THRB: variants seen among roughly 807,000 people sequenced by gnomAD.
THRB encodes the protein thyroid hormone receptor beta.
Under a neutral mutation model 47.8 loss-of-function variants are expected in THRB, and 12 were observed. The ratio of observed to expected loss-of-function variants is 0.25; its 90% CI spans 0.16 to 0.41. THRB has a LOEUF of 0.41. Ranked by LOEUF, THRB falls within the 10% of genes least tolerant of loss-of-function variation. The pLI is 1.00. For synonymous variants in THRB, 218 were observed against 212.2 expected, an observed-to-expected ratio of 1.03 and a Z score of -0.24; for missense variants, 348 against 589.2, an observed-to-expected ratio of 0.59 and a Z score of 4.24.
intron 4 of THRB, among the ~76,000 whole-genome samples, chr3:24,212,195 G>C (rs776615145): frequency 6.6e-6 from 1 of 152,014 alleles, no homozygotes; most frequent in Non-Finnish European, 1.5e-5. Flanking sequence ...TCAGGAGTTC[G>C]AGACCAGCCT....
At chr3:24,335,939 G>T (rs540800340) in intron 2 of THRB, among the ~76,000 whole-genome samples, 44 of 152,302 alleles carry the variant, frequency 2.9e-4, no homozygotes, top group Admixed American at 2.5e-3. Context: ...ATGAAGAAGA[G>T]GCTGGGGACT....
intron 3 of THRB, 62 bp from the exon 4 acceptor site, chr3:24,229,063 G>T: frequency 9.7e-7 from 1 of 1,035,020 alleles, no homozygotes; most frequent in Non-Finnish European, 1.5e-6. Context: ...TAATGGTTTT[G>T]TTCCAAACAA....
At chr3:24,155,215 T>G (rs1241485168) in intron 5 of THRB, among the ~76,000 whole-genome samples, 1 of 152,238 alleles carries the variant, frequency 6.6e-6, no homozygotes, top group Non-Finnish European at 1.5e-5. Context: ...ATTTACTGAC[T>G]GCTAGGCTGA....
chr3:24,448,680 A>G (rs1464662023), intron 1 of THRB, among the ~76,000 whole-genome samples: 1 of 152,240 alleles, frequency 6.6e-6, no homozygotes, highest in Non-Finnish European at 1.5e-5. Flanking sequence ...ATATAAAAAT[A>G]TAAAACTTGG....
intron 3 of THRB, among the ~76,000 whole-genome samples, chr3:24,261,513 AAAAAACC>A (rs2052016463): frequency 6.7e-6 from 1 of 150,132 alleles, no homozygotes; most frequent in African/African-American, 2.5e-5. Flanking sequence ...AAAAAAAAAA[AAAAAACC>A]AAAAAAAACT....
chr3:24,341,204 G>T (rs1209718127), intron 1 of THRB, among the ~76,000 whole-genome samples: 29 of 30,824 alleles, frequency 9.4e-4, no homozygotes, highest in Admixed American at 2.6e-3. Context: ...TTTCCTTTCT[G>T]TGGTAAAACA....
At chr3:24,450,085 ACAC>A (rs2072495958) in intron 1 of THRB, among the ~76,000 whole-genome samples, 2 of 152,108 alleles carry the variant, frequency 1.3e-5, no homozygotes, top group African/African-American at 4.8e-5. Context: ...AGGAAACTAG[ACAC>A]TCTTAAAGAA....
intron 3 of THRB, among the ~76,000 whole-genome samples, chr3:24,283,764 A>G (rs2150874551): frequency 6.6e-6 from 1 of 152,206 alleles, no homozygotes; most frequent in Admixed American, 6.5e-5. Context: ...ATGTACAAAA[A>G]TCACAAGCAT....
chr3:24,426,774 G>T (rs2069809988), intron 1 of THRB, among the ~76,000 whole-genome samples: 1 of 151,870 alleles, frequency 6.6e-6, no homozygotes, highest in Non-Finnish European at 1.5e-5. Flanking sequence ...ATAATTAAAA[G>T]AATCTCTCAG....
chr3:24,493,655 T>A (rs1425904328), intron 1 of THRB, among the ~76,000 whole-genome samples: 2 of 152,252 alleles, frequency 1.3e-5, no homozygotes, highest in African/African-American at 4.8e-5. Context: ...ACTTGGCTGT[T>A]CATGCAAACT....
At chr3:24,269,277 CCACACACA>C (rs4024153) in intron 3 of THRB, among the ~76,000 whole-genome samples, 23,600 of 140,422 alleles carry the variant, frequency 0.17, 1,987 homozygotes, top group Middle Eastern at 0.22. Context: ...AATGGATACA[CCACACACA>C]CACACACACA....
intron 1 of THRB, among the ~76,000 whole-genome samples, chr3:24,477,971 A>T (rs572998911): frequency 1.3e-5 from 2 of 151,272 alleles, no homozygotes; most frequent in African/African-American, 4.9e-5. Context: ...GGATCCAAAC[A>T]AAGAGTGTGG....
chr3:24,186,207 C>G (rs2042553934), intron 5 of THRB, among the ~76,000 whole-genome samples: 2 of 152,152 alleles, frequency 1.3e-5, no homozygotes, highest in Non-Finnish European at 2.9e-5. Flanking sequence ...CTGGGCCCCT[C>G]TCTAGAGATT....
intron 1 of THRB, among the ~76,000 whole-genome samples, chr3:24,421,950 G>A (rs760300478): frequency 6.6e-5 from 10 of 152,038 alleles, no homozygotes; most frequent in Middle Eastern, 6.8e-3. Flanking sequence ...CAAGGCGCAT[G>A]CTAATCTGAT....
rs1237448825 is a variant in THRB, at chr3:24,279,893, C to A, written c.-43+17333G>T. Among the ~76,000 whole-genome samples, 3 of 152,052 alleles carry A rather than the reference C, an allele frequency of 2.0e-5. No individual in the cohort carries two copies. The East Asian group carries it at 5.8e-4, about 29-fold the overall frequency. On this transcript the variant is annotated intron_variant, in intron 3 of 10. Transcript: ENST00000646209. Reference sequence around the variant, plus strand: ...TCCATGGACCATGGTCCCCAAAGGTCTAGGGATAAAGCTCTGCTTCAGTAG... The same window carrying A: ...TCCATGGACCATGGTCCCCAAAGGTATAGGGATAAAGCTCTGCTTCAGTAG...
intron 5 of THRB, among the ~76,000 whole-genome samples, chr3:24,173,129 G>T (rs998002180): frequency 6.6e-6 from 1 of 152,144 alleles, no homozygotes; most frequent in Admixed American, 6.5e-5. Context: ...AGACCAACTG[G>T]ATCGTAAACT....
chr3:24,308,706 T>C (rs1003127505), intron 2 of THRB, among the ~76,000 whole-genome samples: 10 of 152,226 alleles, frequency 6.6e-5, no homozygotes, highest in Non-Finnish European at 1.0e-4. Context: ...AAATACACCA[T>C]AGTTAACACT....
At chr3:24,159,727 C>CTG (rs67972581) in intron 5 of THRB, among the ~76,000 whole-genome samples, 3,650 of 145,330 alleles carry the variant, frequency 0.025, 80 homozygotes, top group East Asian at 0.11. Flanking sequence ...GCCACAACTG[C>CTG]TGTGTGTGTG....
chr3:24,466,530 T>C (rs3903470), intron 1 of THRB, among the ~76,000 whole-genome samples: 54,473 of 151,916 alleles, frequency 0.36, 9,849 homozygotes, highest in East Asian at 0.44. Context: ...CACACATTTA[T>C]CTAATTCTTG....
Sources: gnomAD v4.1 joint callset for allele counts (sites outside exome capture counted in the v4.1 genomes callset) on GRCh38, gnomAD v4.1.1 for gene constraint, MANE v1.5 for transcripts, NCBI Gene and HGNC (gene_info 2026-07-23, HGNC 2026-07-21) for gene names.